CNTLN: variants seen among roughly 807,000 people sequenced by gnomAD.
CNTLN encodes the protein centlein, centrosomal protein.
CNTLN carries 212 observed loss-of-function variants against 180.0 expected under a neutral mutation model. The observed-to-expected ratio is 1.18, with a 90% CI of 1.05 to 1.32. The LOEUF (loss-of-function observed/expected upper bound fraction) is 1.32. CNTLN is among the 40% of genes most tolerant of loss of function. CNTLN has a pLI of 0.00. For missense variants in CNTLN, 2,095 were observed against 1,610.9 expected (o/e 1.30, Z -5.14); for synonymous variants, 722 against 563.1 (o/e 1.28, Z -3.99).
intron 2 of CNTLN, among the ~76,000 whole-genome samples, chr9:17,179,212 C>G (rs1274432740): frequency 7.2e-6 from 1 of 139,688 alleles, no homozygotes; most frequent in Non-Finnish European, 1.5e-5. Flanking sequence ...CCACTGCACT[C>G]CAGCCTGGGC....
chr9:17,315,868 A>G (rs559866404), intron 8 of CNTLN, among the ~76,000 whole-genome samples: 1 of 152,070 alleles, frequency 6.6e-6, no homozygotes, highest in South Asian at 2.1e-4. Context: ...CTTTATCTGT[A>G]TAGATTTTCT....
intron 8 of CNTLN, among the ~76,000 whole-genome samples, chr9:17,312,166 A>G (rs1266781439): frequency 6.6e-6 from 1 of 151,686 alleles, no homozygotes; most frequent in Non-Finnish European, 1.5e-5. Context: ...AATTTCTACA[A>G]ATAAGCATTC....
intron 2 of CNTLN, among the ~76,000 whole-genome samples, chr9:17,186,258 A>G (rs994391744): frequency 1.3e-5 from 2 of 152,196 alleles, no homozygotes; most frequent in African/African-American, 4.8e-5. Context: ...TGGTAATAGT[A>G]CATCATTCAT....
chr9:17,221,869 T>A (rs768016159), intron 2 of CNTLN, among the ~76,000 whole-genome samples: 8 of 152,108 alleles, frequency 5.3e-5, no homozygotes, highest in Non-Finnish European at 8.8e-5. Context: ...AGAAGGGAGC[T>A]TTTATTCCTT....
At chr9:17,474,736 C>T (rs1832239099) in intron 23 of CNTLN, among the ~76,000 whole-genome samples, 1 of 152,012 alleles carries the variant, frequency 6.6e-6, no homozygotes, top group Non-Finnish European at 1.5e-5. Context: ...GGCATGGTGG[C>T]AAGCGCCTGT....
intron 19 of CNTLN, among the ~76,000 whole-genome samples, chr9:17,462,600 A>C (rs993304951): frequency 6.6e-6 from 1 of 151,702 alleles, no homozygotes; most frequent in Non-Finnish European, 1.5e-5. Context: ...AAATCATTAA[A>C]ATTCTTAATT....
At chr9:17,368,842 T>C (rs1376831779) in intron 13 of CNTLN, among the ~76,000 whole-genome samples, 1 of 152,184 alleles carries the variant, frequency 6.6e-6, no homozygotes, top group Non-Finnish European at 1.5e-5. Flanking sequence ...ACCCAAGTCC[T>C]TTCAAATACC....
intron 12 of CNTLN, among the ~76,000 whole-genome samples, chr9:17,342,723 C>G (rs976967896): frequency 1.3e-5 from 2 of 152,032 alleles, no homozygotes; most frequent in African/African-American, 4.8e-5. Flanking sequence ...TCTTCATTAG[C>G]CTGTATTTTA....
chr9:17,442,687 C>T (rs1353407591), intron 18 of CNTLN, among the ~76,000 whole-genome samples: 1 of 152,164 alleles, frequency 6.6e-6, no homozygotes, highest in African/African-American at 2.4e-5. Context: ...GTGTAAGCCA[C>T]CATGCCCAGC....
chr9:17,177,455 G>A (rs1015601583), intron 2 of CNTLN, among the ~76,000 whole-genome samples: 1 of 152,110 alleles, frequency 6.6e-6, no homozygotes, highest in Non-Finnish European at 1.5e-5. Flanking sequence ...AAATGTGTCC[G>A]GAATTGGTGG....
At chr9:17,476,196 C>G (rs1832334114) in intron 23 of CNTLN, among the ~76,000 whole-genome samples, 1 of 151,938 alleles carries the variant, frequency 6.6e-6, no homozygotes, top group African/African-American at 2.4e-5. Flanking sequence ...TGAGCTGAAC[C>G]CATATTAATT....
chr9:17,155,872 G>C (rs1420436185), intron 2 of CNTLN, among the ~76,000 whole-genome samples: 2 of 152,162 alleles, frequency 1.3e-5, no homozygotes, highest in African/African-American at 2.4e-5. Context: ...TGGTGGGGTA[G>C]GCACTGGAGG....
chr9:17,211,768 C>T (rs892203968), intron 2 of CNTLN, among the ~76,000 whole-genome samples: 6 of 152,166 alleles, frequency 3.9e-5, no homozygotes, highest in Non-Finnish European at 8.8e-5. Context: ...AGAGGTCCTT[C>T]ACATCCCTTG....
intron 2 of CNTLN, among the ~76,000 whole-genome samples, chr9:17,206,259 G>A (rs542267518): frequency 9.2e-4 from 140 of 152,170 alleles, no homozygotes; most frequent in African/African-American, 3.2e-3. Context: ...TTTTGCCTAA[G>A]CCCTAACTAA....
intron 6 of CNTLN, among the ~76,000 whole-genome samples, chr9:17,274,697 A>T (rs894570045): frequency 6.6e-6 from 1 of 152,136 alleles, no homozygotes; most frequent in African/African-American, 2.4e-5. Context: ...TAAATAAATG[A>T]TGGATACATC....
intron 1 of CNTLN, among the ~76,000 whole-genome samples, chr9:17,138,605 G>A (rs1198107230): frequency 6.6e-6 from 1 of 152,142 alleles, no homozygotes; most frequent in Non-Finnish European, 1.5e-5. Flanking sequence ...TCTACTTGGC[G>A]AGTCTTTTTG....
chr9:17,237,173 C>T (rs529062525), intron 5 of CNTLN, among the ~76,000 whole-genome samples: 1 of 151,850 alleles, frequency 6.6e-6, no homozygotes, highest in African/African-American at 2.4e-5. Context: ...TGGTTTCTTA[C>T]AATTTTATTA....
chr9:17,174,207 A>G (rs1587003190), intron 2 of CNTLN, among the ~76,000 whole-genome samples: 1 of 152,206 alleles, frequency 6.6e-6, no homozygotes, highest in African/African-American at 2.4e-5. Context: ...GTCCCATAGT[A>G]TGGATGTACC....
At chr9:17,343,152 C>T (rs1271329306) in intron 12 of CNTLN, among the ~76,000 whole-genome samples, 2 of 152,174 alleles carry the variant, frequency 1.3e-5, no homozygotes, top group African/African-American at 2.4e-5. Flanking sequence ...TACAGTTGGT[C>T]GCTTGATCTT....
Sources: allele counts gnomAD v4.1 joint callset (sites outside exome capture counted in the v4.1 genomes callset), GRCh38; gene constraint gnomAD v4.1.1; transcripts MANE v1.5; gene names NCBI Gene and HGNC (gene_info 2026-07-23, HGNC 2026-07-21).